Variants in RBFOX3 observed in about 807,000 individuals in gnomAD.
RBFOX3 encodes the protein RNA binding fox-1 homolog 3.
A neutral mutation model predicts 48.7 loss-of-function variants in RBFOX3; 17 were observed. That is an observed-to-expected ratio of 0.35 (90% CI 0.24 to 0.52). The LOEUF (loss-of-function observed/expected upper bound fraction) is 0.52. Ranked by LOEUF, RBFOX3 falls within the 20% of genes least tolerant of loss-of-function variation. The pLI is 0.94. For missense variants in RBFOX3, 382 were observed against 497.5 expected, an observed-to-expected ratio of 0.77 and a Z score of 2.21; for synonymous variants, 212 against 209.5, an observed-to-expected ratio of 1.01 and a Z score of -0.10.
rs191099171 is a variant in RBFOX3, at chr17:79,428,605, G to A, written c.-175+53849C>T. 5.5e-3 allele frequency among the ~76,000 whole-genome samples: 837 copies of A among 152,280 alleles called. 5 individuals carry two copies. The highest frequency in any genetic ancestry group is 0.017 in the Middle Eastern group (5 of 294). ...TGAGCTGCACCCACAAAAAGCCTCC[G>A]ACAGCCTCGGGAGGCAGAGATACGG... On this transcript the variant is annotated intron_variant, in intron 2 of 14. Coordinates refer to ENST00000693108, the MANE Select transcript of RBFOX3 (RefSeq NM_001350451.2).
At chr17:79,270,798 GC>G (rs2067529788) in intron 3 of RBFOX3, among the ~76,000 whole-genome samples, 1 of 152,222 alleles carries the variant, frequency 6.6e-6, no homozygotes, top group African/African-American at 2.4e-5. Context: ...GGGACAACAG[GC>G]TTTGCCCACT....
rs546354507 is a variant in RBFOX3, at chr17:79,180,361, G to A, written c.-34+55405C>T. 4.6e-5 allele frequency among the ~76,000 whole-genome samples: 7 copies of A among 152,356 alleles called. No homozygotes were observed. In the East Asian group the frequency reaches 7.7e-4, roughly 17 times the overall value. Reference sequence around the variant, plus strand: ...GGCTTAGAAAGCCTGTTTAAATGCTGCATCTTAATGTGCCTCAAACTACGT... The same window carrying A: ...GGCTTAGAAAGCCTGTTTAAATGCTACATCTTAATGTGCCTCAAACTACGT... On this transcript the variant is annotated intron_variant, in intron 4 of 14. Coordinates refer to ENST00000693108, the MANE Select transcript of RBFOX3 (RefSeq NM_001350451.2).
At chr17:79,106,820 C>T (rs1216091932) in intron 5 of RBFOX3, 32 bp from the exon 6 acceptor site, 13 of 1,486,740 alleles carry the variant, frequency 8.7e-6, no homozygotes, top group Admixed American at 5.2e-5. Context: ...GTGGAGGCTG[C>T]CTCTGTGTGC....
intron 1 of RBFOX3, among the ~76,000 whole-genome samples, chr17:79,572,109 A>T (rs2092698607): frequency 6.6e-6 from 1 of 152,142 alleles, no homozygotes; most frequent in Non-Finnish European, 1.5e-5. Context: ...CTAAGGCATC[A>T]AGAGGCTGTT....
At chr17:79,543,514 C>T (rs1280776749) in intron 1 of RBFOX3, among the ~76,000 whole-genome samples, 2 of 152,086 alleles carry the variant, frequency 1.3e-5, no homozygotes, top group African/African-American at 2.4e-5. Context: ...GGGCAGGCTT[C>T]GGCTACTCAG....
In RBFOX3 at chr17:79,481,220, G is replaced by C. The variant is rs1442997250; in HGVS notation, c.-175+1234C>G. On this transcript the variant is annotated intron_variant, in intron 2 of 14. Transcript: ENST00000693108. This position sits in a 1 kb window ranked among gnomAD's most constrained non-coding sequence, Gnocchi z 5.4. ...GGTCTCTTTGTCCAGGGTTCTCGTC[G>C]GCATCATCTGCTCAGCCTACAGTGG... Among the ~76,000 whole-genome samples, 2 of 152,122 alleles carry C rather than the reference G, an allele frequency of 1.3e-5. No homozygotes were observed. The highest frequency in any genetic ancestry group is 2.9e-5 in the Non-Finnish European group (2 of 68,018).
intron 4 of RBFOX3, among the ~76,000 whole-genome samples, chr17:79,120,537 G>C (rs1032661633): frequency 1.3e-5 from 2 of 151,706 alleles, no homozygotes; most frequent in African/African-American, 4.9e-5. Flanking sequence ...GTGGGTGGAT[G>C]GATGAGTGCA....
At chr17:79,237,034 C>A (rs974594660) in intron 3 of RBFOX3, among the ~76,000 whole-genome samples, 1 of 152,154 alleles carries the variant, frequency 6.6e-6, no homozygotes, top group Admixed American at 6.5e-5. Flanking sequence ...TGAGTGCATT[C>A]ACACTGCTGT....
intron 1 of RBFOX3, among the ~76,000 whole-genome samples, chr17:79,514,237 G>A (rs1264400114): frequency 2.0e-5 from 3 of 152,130 alleles, no homozygotes; most frequent in Non-Finnish European, 4.4e-5. Context: ...ACACAGCCAG[G>A]CACCCCCTCA....
At chr17:79,556,068 A>C (rs1160715258) in intron 1 of RBFOX3, among the ~76,000 whole-genome samples, 3 of 152,194 alleles carry the variant, frequency 2.0e-5, no homozygotes, top group South Asian at 2.1e-4. Flanking sequence ...AGAGCGGGAA[A>C]GCATACTTGC....
chr17:79,639,770 A>G, the RBFOX3 span, among the ~76,000 whole-genome samples: 1 of 152,222 alleles, frequency 6.6e-6, no homozygotes, highest in Non-Finnish European at 1.5e-5. Context: ...TAGAAAAAGC[A>G]TCTGACAAAG....
the RBFOX3 span, among the ~76,000 whole-genome samples, chr17:79,646,547 A>G: frequency 6.6e-6 from 1 of 152,082 alleles, no homozygotes; most frequent in Non-Finnish European, 1.5e-5. Context: ...CACTTATAAA[A>G]CCATCAGCTG....
At chr17:79,422,883 G>C (rs782601990) in intron 2 of RBFOX3, among the ~76,000 whole-genome samples, 6 of 152,170 alleles carry the variant, frequency 3.9e-5, no homozygotes, top group Non-Finnish European at 7.4e-5. Flanking sequence ...AGAGACAGCA[G>C]GGCGATATGC....
At chr17:79,441,585 A>G (rs1275529073) in intron 2 of RBFOX3, among the ~76,000 whole-genome samples, 1 of 152,192 alleles carries the variant, frequency 6.6e-6, no homozygotes, top group Non-Finnish European at 1.5e-5. Context: ...TTTCCCTCCA[A>G]GCCTCTGGAA....
At chr17:79,297,360 G>A (rs1447917586) in intron 3 of RBFOX3, among the ~76,000 whole-genome samples, 2 of 152,166 alleles carry the variant, frequency 1.3e-5, no homozygotes, top group Admixed American at 1.3e-4. Context: ...TGTGCCTTTG[G>A]GAAGCACCAA....
At chr17:79,448,042 C>T (rs543624249) in intron 2 of RBFOX3, among the ~76,000 whole-genome samples, 24 of 152,312 alleles carry the variant, frequency 1.6e-4, no homozygotes, top group African/African-American at 4.6e-4. Context: ...CTTCACCTTC[C>T]GCCATGATTG....
intron 3 of RBFOX3, among the ~76,000 whole-genome samples, chr17:79,294,120 A>C (rs1022529452): frequency 5.3e-4 from 80 of 152,198 alleles, no homozygotes; most frequent in Admixed American, 9.2e-4. Flanking sequence ...TGCCTTACAG[A>C]GTCAGAAAAG....
chr17:79,113,173 C>G (rs936288836), intron 5 of RBFOX3, among the ~76,000 whole-genome samples: 1 of 152,052 alleles, frequency 6.6e-6, no homozygotes, highest in African/African-American at 2.4e-5. Context: ...TCTGGGGACA[C>G]CTGAGCCAGC....
chr17:79,551,692 T>C (rs1378729992), intron 1 of RBFOX3, among the ~76,000 whole-genome samples: 1 of 152,180 alleles, frequency 6.6e-6, no homozygotes, highest in Non-Finnish European at 1.5e-5. Flanking sequence ...TCTTGCTCTG[T>C]GAGTTCACAT....
Sources: gnomAD v4.1 joint callset for allele counts (sites outside exome capture counted in the v4.1 genomes callset) on GRCh38, gnomAD v4.1.1 for gene constraint, Gnocchi (gnomAD v3.1) non-coding constraint, MANE v1.5 for transcripts, NCBI Gene and HGNC (gene_info 2026-07-23, HGNC 2026-07-21) for gene names.